CNTNAP5: variants seen among roughly 807,000 people sequenced by gnomAD.
The protein encoded by CNTNAP5 is contactin associated protein family member 5.
Under a neutral mutation model 150.2 loss-of-function variants are expected in CNTNAP5, and 72 were observed. The observed-to-expected ratio is 0.48, with a 90% CI of 0.40 to 0.58. The LOEUF (loss-of-function observed/expected upper bound fraction) is 0.58, where lower values mean the gene tolerates loss of function less well. CNTNAP5 is among the 20% of genes least tolerant of loss of function. The probability of loss-of-function intolerance (pLI) is 0.00; values close to 1 mark genes in which losing one functional copy is unlikely to be tolerated. For synonymous variants in CNTNAP5, 672 were observed against 619.8 expected, an observed-to-expected ratio of 1.08 and a Z score of -1.25; for missense variants, 1,636 against 1,626.2, an observed-to-expected ratio of 1.01 and a Z score of -0.10.
At chr2:124,667,201 G>C (rs952950903) in intron 13 of CNTNAP5, among the ~76,000 whole-genome samples, 1 of 152,174 alleles carries the variant, frequency 6.6e-6, no homozygotes, top group African/African-American at 2.4e-5. Context: ...AGTAGGGTGT[G>C]CTAAGACCAT....
At chr2:124,846,394 C>G (rs1370365416) in intron 19 of CNTNAP5, among the ~76,000 whole-genome samples, 1 of 152,142 alleles carries the variant, frequency 6.6e-6, no homozygotes, top group African/African-American at 2.4e-5. Flanking sequence ...GTGCATTTCT[C>G]TAAGTGTGTC....
intron 3 of CNTNAP5, among the ~76,000 whole-genome samples, chr2:124,373,709 T>C (rs970173402): frequency 6.6e-6 from 1 of 152,044 alleles, no homozygotes; most frequent in Admixed American, 6.6e-5. Flanking sequence ...TTCAGTTATA[T>C]TATGAGCAAT....
At chr2:124,509,125 T>C (rs1459970592) in intron 8 of CNTNAP5, among the ~76,000 whole-genome samples, 2 of 152,220 alleles carry the variant, frequency 1.3e-5, no homozygotes, top group African/African-American at 2.4e-5. Flanking sequence ...GAAAGGGCAG[T>C]ACAATGATGC....
At chr2:124,827,433 A>G (rs1682619955) in intron 19 of CNTNAP5, among the ~76,000 whole-genome samples, 1 of 152,148 alleles carries the variant, frequency 6.6e-6, no homozygotes, top group Non-Finnish European at 1.5e-5. Context: ...GTGTCTCTGC[A>G]GATGTGATGA....
chr2:124,308,373 A>G (rs1391176215), intron 3 of CNTNAP5, among the ~76,000 whole-genome samples: 3 of 152,164 alleles, frequency 2.0e-5, no homozygotes, highest in Non-Finnish European at 4.4e-5. Context: ...CAGCTAGCAG[A>G]CTAAATTTAT....
At chr2:124,610,566 A>G (rs1182618119) in intron 12 of CNTNAP5, among the ~76,000 whole-genome samples, 1 of 152,206 alleles carries the variant, frequency 6.6e-6, no homozygotes, top group Non-Finnish European at 1.5e-5. Flanking sequence ...GGACATGGTA[A>G]GAGGCAATCA....
chr2:124,905,862 A>G lies in CNTNAP5; in HGVS notation c.3655+2762A>G, dbSNP rs139693457. ...GATCTGCGCTACAGGGGTGGTCTCT[A>G]GTTATCTAATACCTAATACTTGGCC... On this transcript the variant is annotated intron_variant, in intron 22 of 23. Transcript: ENST00000682447. Among the ~76,000 whole-genome samples, 18 of 152,278 alleles carry G rather than the reference A, an allele frequency of 1.2e-4. No homozygotes were observed. In the East Asian group the frequency reaches 3.1e-3, roughly 26 times the overall value.
At chr2:124,584,904 A>G (rs1247689842) in intron 11 of CNTNAP5, among the ~76,000 whole-genome samples, 1 of 152,210 alleles carries the variant, frequency 6.6e-6, no homozygotes. Context: ...AGAGTCAAGA[A>G]CAAACATCAG....
chr2:124,114,914 A>G (rs1181410649), intron 1 of CNTNAP5, among the ~76,000 whole-genome samples: 5 of 151,746 alleles, frequency 3.3e-5, no homozygotes, highest in Non-Finnish European at 5.9e-5. Context: ...CATTAATATA[A>G]TGAATTACAC....
intron 19 of CNTNAP5, among the ~76,000 whole-genome samples, chr2:124,855,939 C>T (rs563854167): frequency 6.6e-6 from 1 of 152,198 alleles, no homozygotes; most frequent in East Asian, 1.9e-4. Flanking sequence ...GCTTAGCTCC[C>T]ACTTATGAGT....
chr2:124,188,008 A>G (rs1229771569), intron 1 of CNTNAP5, among the ~76,000 whole-genome samples: 3 of 152,194 alleles, frequency 2.0e-5, no homozygotes, highest in Admixed American at 2.0e-4. Context: ...GGATGAGCAC[A>G]AAAATGAGAG....
At chr2:124,502,340 C>G (rs538589295) in intron 7 of CNTNAP5, among the ~76,000 whole-genome samples, 2 of 152,262 alleles carry the variant, frequency 1.3e-5, no homozygotes, top group East Asian at 3.9e-4. Context: ...ATCTCAGGTC[C>G]TCTACTCCTC....
intron 19 of CNTNAP5, among the ~76,000 whole-genome samples, chr2:124,815,810 G>T (rs1045822934): frequency 6.6e-6 from 1 of 152,044 alleles, no homozygotes; most frequent in Non-Finnish European, 1.5e-5. Context: ...ACATGGAAAG[G>T]TGTATAACTG....
At position 124,316,293 on chromosome 2, in the gene CNTNAP5, G is replaced by A. The variant is rs77283621; in HGVS notation, c.381+73900G>A. Among the ~76,000 whole-genome samples the A allele has an allele frequency of 1.6e-3, 251 of 152,194 alleles. 2 individuals are homozygous for A. The East Asian group carries it at 0.017, about 10-fold the overall frequency. The stretch of plus-strand genomic sequence containing the variant: ...TACAAAAGAGAACTAGCCTGGGGTC[G>A]GAGGACCTGAATATGATTCCAAGCG... On this transcript the variant is annotated intron_variant, in intron 3 of 23. Transcript: ENST00000682447.
At chr2:124,037,602 AAACTCACTTAT>A in intron 1 of CNTNAP5, among the ~76,000 whole-genome samples, 1 of 152,332 alleles carries the variant, frequency 6.6e-6, no homozygotes. Context: ...AATGCTACAC[AAACTCACTTAT>A]ATGTGGAATC....
At chr2:124,327,313 A>C (rs1165919636) in intron 3 of CNTNAP5, among the ~76,000 whole-genome samples, 1 of 152,060 alleles carries the variant, frequency 6.6e-6, no homozygotes, top group Non-Finnish European at 1.5e-5. Context: ...TAAAACTAAA[A>C]AACTGAAAAG....
chr2:124,251,895 A>AG (rs1364153138), intron 3 of CNTNAP5, among the ~76,000 whole-genome samples: 1 of 152,218 alleles, frequency 6.6e-6, no homozygotes, highest in African/African-American at 2.4e-5. Flanking sequence ...GAAAGAACTG[A>AG]TGAACAGAAG....
chr2:124,550,458 T>A (rs1271088738), intron 10 of CNTNAP5, among the ~76,000 whole-genome samples: 1 of 152,174 alleles, frequency 6.6e-6, no homozygotes, highest in Non-Finnish European at 1.5e-5. Context: ...CATAGTGGAA[T>A]CTGAGTGATG....
At chr2:124,102,283 T>G (rs1683082443) in intron 1 of CNTNAP5, among the ~76,000 whole-genome samples, 5 of 152,136 alleles carry the variant, frequency 3.3e-5, no homozygotes, top group African/African-American at 1.2e-4. Context: ...TAATAGTAAG[T>G]AAACCTCTAA....
Sources: allele counts gnomAD v4.1 joint callset (sites outside exome capture counted in the v4.1 genomes callset), GRCh38; gene constraint gnomAD v4.1.1; transcripts MANE v1.5; gene names NCBI Gene and HGNC (gene_info 2026-07-23, HGNC 2026-07-21).